The following NCKAP5L variants were observed in gnomAD, a reference collection of about 807,000 sequenced individuals.
NCKAP5L encodes NCK associated protein 5 like.
A neutral mutation model predicts 103.2 loss-of-function variants in NCKAP5L; 54 were observed. The ratio of observed to expected loss-of-function variants is 0.52; its 90% CI spans 0.42 to 0.66. The LOEUF is 0.66. Among genes scored for constraint, NCKAP5L ranks in the 30% least tolerant of loss-of-function variants. NCKAP5L has a pLI of 0.00. For missense variants in NCKAP5L, 1,733 were observed against 1,750.6 expected (o/e 0.99, Z 0.18); for synonymous variants, 762 against 748.6 (o/e 1.02, Z -0.29).
At chr12:49,807,604 G>A (rs796314680) in intron 1 of NCKAP5L, among the ~76,000 whole-genome samples, 7 of 152,196 alleles carry the variant, frequency 4.6e-5, no homozygotes, top group African/African-American at 1.4e-4. Flanking sequence ...ACATTATCAC[G>A]TTTGATAGAC....
rs1946065540 is a variant in NCKAP5L, at chr12:49,797,214, C to T, written c.646G>A (p.Gly216Ser). ...GGCTCTGGGGAGCCAGGCCCCTGGC[C>T]TGGAGGCCGCCAGGGGGTGGCAGGT... is the stretch of plus-strand genomic sequence containing the variant. ...CSPATPWRPPGQGPGSPEPIN... is the reference protein window; with the variant it reads ...CSPATPWRPPSQGPGSPEPIN... The change falls in exon 8 of 13, where the codon GGC becomes AGC. Residue 216 changes from glycine to serine, a missense_variant. Physicochemically the swap from Gly to Ser is moderately conservative, Grantham distance 56. Coordinates refer to ENST00000335999, the MANE Select transcript of NCKAP5L (RefSeq NM_001037806.4). The surrounding 1 kb of genome is among the most constrained non-coding windows in gnomAD (Gnocchi z 4.5). The T allele has an allele frequency of 1.9e-6, 3 of 1,613,222 alleles. No individual in the cohort carries two copies. Among genetic ancestry groups the T allele is most frequent in the African/African-American group, 1.3e-5 (1 of 74,910 alleles).
At chr12:49,793,688 G>A (rs755097136) in intron 9 of NCKAP5L, 46 bp downstream of exon 9, 55 of 1,504,964 alleles carry the variant, frequency 3.7e-5, no homozygotes, top group Middle Eastern at 3.8e-4. Flanking sequence ...ACCTGGCAGG[G>A]CCAGAGAGCC....
chr12:49,793,018 T>A, intron 10 of NCKAP5L, 32 bp from the exon 11 acceptor site: 1 of 1,464,502 alleles, frequency 6.8e-7, no homozygotes, highest in East Asian at 2.3e-5. Flanking sequence ...CCGTTAAGAG[T>A]GTGAGGCTGG....
At chr12:49,806,553 C>G (rs1946182840) in intron 1 of NCKAP5L, among the ~76,000 whole-genome samples, 1 of 152,230 alleles carries the variant, frequency 6.6e-6, no homozygotes, top group Admixed American at 6.5e-5. Flanking sequence ...ACCATCCCAT[C>G]CAGTTCTCCT....
In NCKAP5L at chr12:49,802,849, C is replaced by T. The variant is rs554129383; in HGVS notation, c.231+109G>A. 7.6e-4 allele frequency: 1,000 copies of T among 1,321,960 alleles called. 1 individual carries two copies. Among genetic ancestry groups the T allele is most frequent in the Non-Finnish European group, 9.4e-4 (904 of 962,660 alleles). 81.9% of individuals were successfully genotyped at this position (1,321,960 alleles called of 1,614,324 possible). On this transcript the variant is annotated intron_variant, in intron 5 of 12. Transcript: ENST00000335999. ...AATGGACCCGCCCAAGGCGGAAAGA[C>T]GGGGAATCACTGGAGGGCAACAGCC...
intron 1 of NCKAP5L, among the ~76,000 whole-genome samples, chr12:49,812,667 A>G (rs557253191): frequency 6.6e-6 from 1 of 152,202 alleles, no homozygotes; most frequent in Non-Finnish European, 1.5e-5. Flanking sequence ...GGCATGAGCC[A>G]CCACACCCAG....
chr12:49,815,279 C>G (rs56326618), intron 1 of NCKAP5L, among the ~76,000 whole-genome samples: 1 of 152,180 alleles, frequency 6.6e-6, no homozygotes, highest in African/African-American at 2.4e-5. Context: ...CTATGGTGCT[C>G]TAAAACATAA....
At chr12:49,798,286 CCTT>C in intron 7 of NCKAP5L, 61 bp downstream of exon 7, 5 of 1,388,598 alleles carry the variant, frequency 3.6e-6, no homozygotes. Flanking sequence ...GGGAAACAGC[CCTT>C]CTCCAGATAT....
intron 6 of NCKAP5L, 52 bp from the exon 7 acceptor site, chr12:49,798,515 T>C (rs1408002776): frequency 3.5e-6 from 5 of 1,431,298 alleles, no homozygotes; most frequent in African/African-American, 1.4e-5. Flanking sequence ...CCCAGCTCCC[T>C]ACTCCCTCGC....
rs1411527477 is a variant in NCKAP5L, at chr12:49,803,202, C to T, written c.124-37G>A. On this transcript the variant is annotated intron_variant, in intron 3 of 12. Coordinates refer to ENST00000335999, the MANE Select transcript of NCKAP5L (RefSeq NM_001037806.4). Reference sequence around the variant, plus strand: ...AGGGAGGAAGAGGGCAAAAAGGTGGCTTTGGGGATTATTCTTCCCCCAGGG... The same window carrying T: ...AGGGAGGAAGAGGGCAAAAAGGTGGTTTTGGGGATTATTCTTCCCCCAGGG... 6 of 1,608,422 alleles carry T rather than the reference C, an allele frequency of 3.7e-6. No homozygotes were observed. The East Asian group carries it at 1.1e-4, about 30-fold the overall frequency.
At chr12:49,814,826 T>C (rs2137031728) in intron 1 of NCKAP5L, among the ~76,000 whole-genome samples, 2 of 152,346 alleles carry the variant, frequency 1.3e-5, no homozygotes, top group Middle Eastern at 6.8e-3. Flanking sequence ...ACAGGGTACT[T>C]GGTCACCCAG....
At chr12:49,815,289 A>T (rs577403179) in intron 1 of NCKAP5L, among the ~76,000 whole-genome samples, 1 of 152,310 alleles carries the variant, frequency 6.6e-6, no homozygotes, top group South Asian at 2.1e-4. Context: ...CTAAAACATA[A>T]TTTTCAATTT....
At chr12:49,798,292 C>T (rs2137005246) in intron 7 of NCKAP5L, 58 bp downstream of exon 7, 1 of 1,422,130 alleles carries the variant, frequency 7.0e-7, no homozygotes, top group South Asian at 1.2e-5. Flanking sequence ...CAGCCCTTCT[C>T]CAGATATTTG....
In NCKAP5L at chr12:49,792,120, G is replaced by T; in HGVS notation, c.3793-69C>A. 3.0e-6 allele frequency: 4 copies of T among 1,335,554 alleles called. No individual in the cohort carries two copies. The highest frequency in any genetic ancestry group is 1.5e-5 in the African/African-American group (1 of 68,798). 82.7% of individuals were successfully genotyped at this position (1,335,554 alleles called of 1,614,324 possible). ...TTCGGCCCAGCCTCAGAGGCACTGAGCTCTGAGGGGCGTCTGTGCACCTGA... is the reference window on the plus strand; with the variant it reads ...TTCGGCCCAGCCTCAGAGGCACTGATCTCTGAGGGGCGTCTGTGCACCTGA... On this transcript the variant is annotated intron_variant, in intron 12 of 12. Coordinates refer to ENST00000335999, the MANE Select transcript of NCKAP5L (RefSeq NM_001037806.4). The surrounding 1 kb of genome is among the most constrained non-coding windows in gnomAD (Gnocchi z 4.5).
intron 1 of NCKAP5L, among the ~76,000 whole-genome samples, chr12:49,810,097 A>G (rs934090296): frequency 2.1e-5 from 3 of 142,320 alleles, no homozygotes; most frequent in African/African-American, 8.0e-5. Context: ...AGATTTCAAC[A>G]TCCCTCATCT....
Position 49,794,904 on chromosome 12 carries a change from T to C in NCKAP5L, c.2956A>G (p.Lys986Glu). 1 of 1,531,224 alleles carries C rather than the reference T, an allele frequency of 6.5e-7. No individual in the cohort carries two copies. Among genetic ancestry groups the C allele is most frequent in the Non-Finnish European group, 8.8e-7 (1 of 1,139,250 alleles). 94.9% of individuals were successfully genotyped at this position (1,531,224 alleles called of 1,614,324 possible). ...CGGGCCCGGCTGCTTAGGTAGGCCT[T>C]CTCCTCTTCCAGTGCCCGACGCAGG... Reference protein sequence around the residue: ...EDLRRALEEEKAYLSSRARPR... With the variant: ...EDLRRALEEEEAYLSSRARPR... Residue 986 changes from lysine to glutamate, a missense_variant, in exon 8 of 13, where the codon AAG (lysine) becomes GAG (glutamate). By Grantham distance (56) the Lys-to-Glu change is moderately conservative. Transcript: ENST00000335999.
In NCKAP5L at chr12:49,818,410, G is replaced by A. The variant is rs537302553; in HGVS notation, c.-99+9912C>T. 2.3e-5 allele frequency among the ~76,000 whole-genome samples: 3 copies of A among 129,968 alleles called. No homozygotes were observed. In the South Asian group the frequency reaches 7.9e-4, roughly 34 times the overall value. 85.3% of individuals were successfully genotyped at this position (129,968 alleles called of 152,430 possible). A position where few individuals can be genotyped will look rare whatever the true frequency, so the allele number is the denominator to read the frequency against. ...CAGGCTGGAGTGCAGGCTGGTTGCA[G>A]TGGTGCAATCAATCATGGCTCACTG... On this transcript the variant is annotated intron_variant, in intron 1 of 12. Transcript: ENST00000335999.
intron 1 of NCKAP5L, among the ~76,000 whole-genome samples, chr12:49,813,566 C>T (rs913615161): frequency 6.6e-5 from 10 of 152,034 alleles, no homozygotes; most frequent in African/African-American, 2.2e-4. Context: ...CTCACTCTGT[C>T]GCTCAGGCTG....
intron 1 of NCKAP5L, among the ~76,000 whole-genome samples, chr12:49,823,318 C>T (rs888453801): frequency 6.6e-6 from 1 of 152,072 alleles, no homozygotes; most frequent in Non-Finnish European, 1.5e-5. Flanking sequence ...CTGGGGGTGT[C>T]TGAACAGATC....
Sources: allele counts gnomAD v4.1 joint callset (sites outside exome capture counted in the v4.1 genomes callset), GRCh38; gene constraint gnomAD v4.1.1; non-coding constraint Gnocchi (gnomAD v3.1); transcripts MANE v1.5; gene names NCBI Gene and HGNC (gene_info 2026-07-23, HGNC 2026-07-21).